CDH18: variants seen among roughly 807,000 people sequenced by gnomAD.
CDH18 encodes cadherin 18.
CDH18 carries 31 observed loss-of-function variants against 67.9 expected under a neutral mutation model. The observed-to-expected ratio is 0.46, with a 90% CI of 0.34 to 0.62. The LOEUF (loss-of-function observed/expected upper bound fraction) is 0.62. Ranked by LOEUF, CDH18 falls within the 20% of genes least tolerant of loss-of-function variation. CDH18 has a pLI of 0.01. For synonymous variants in CDH18, 362 were observed against 347.2 expected, an observed-to-expected ratio of 1.04 and a Z score of -0.48; for missense variants, 890 against 975.5, an observed-to-expected ratio of 0.91 and a Z score of 1.17.
intron 11 of CDH18, among the ~76,000 whole-genome samples, chr5:19,488,942 C>A (rs976223230): frequency 2.0e-5 from 3 of 152,122 alleles, no homozygotes; most frequent in African/African-American, 7.2e-5. Flanking sequence ...ATCCTTGTGG[C>A]CTTACTTGTC....
chr5:20,032,106 A>G (rs1317992874), intron 2 of CDH18, among the ~76,000 whole-genome samples: 4 of 152,002 alleles, frequency 2.6e-5, no homozygotes, highest in African/African-American at 9.7e-5. Context: ...TTTCTTCTTT[A>G]TCCTCAAAAA....
chr5:20,081,737 A>G (rs1483872397), intron 2 of CDH18, among the ~76,000 whole-genome samples: 1 of 152,154 alleles, frequency 6.6e-6, no homozygotes, highest in African/African-American at 2.4e-5. Context: ...AGTGGGAGCT[A>G]AACATTGAGT....
At chr5:20,279,876 A>G (rs1321270677) in intron 1 of CDH18, among the ~76,000 whole-genome samples, 1 of 152,038 alleles carries the variant, frequency 6.6e-6, no homozygotes, top group Admixed American at 6.6e-5. Flanking sequence ...TGGACCTAAT[A>G]TATCTTTTTA....
At chr5:20,531,841 C>A (rs1280581099) in intron 1 of CDH18, among the ~76,000 whole-genome samples, 1 of 151,660 alleles carries the variant, frequency 6.6e-6, no homozygotes, top group Non-Finnish European at 1.5e-5. Flanking sequence ...ACCATGTTAC[C>A]TATGTAGCAA....
At chr5:20,249,545 C>T (rs555268157) in intron 2 of CDH18, among the ~76,000 whole-genome samples, 1 of 151,896 alleles carries the variant, frequency 6.6e-6, no homozygotes, top group African/African-American at 2.4e-5. Context: ...ACTGCGCCCA[C>T]CTAATTTTTT....
intron 6 of CDH18, among the ~76,000 whole-genome samples, chr5:19,603,544 AT>A (rs1747522243): frequency 6.6e-6 from 1 of 152,020 alleles, no homozygotes; most frequent in Admixed American, 6.6e-5. Flanking sequence ...ACTACAAAAA[AT>A]AAAATCAAAA....
intron 2 of CDH18, among the ~76,000 whole-genome samples, chr5:19,955,125 T>G (rs910498911): frequency 6.6e-6 from 1 of 152,238 alleles, no homozygotes; most frequent in African/African-American, 2.4e-5. Context: ...TTCTCCTTCC[T>G]GCTGCCATAT....
intron 1 of CDH18, among the ~76,000 whole-genome samples, chr5:20,294,919 G>A (rs1363866201): frequency 6.6e-6 from 1 of 152,052 alleles, no homozygotes. Context: ...GTCACTTAAA[G>A]GCTTTGATTT....
intron 1 of CDH18, among the ~76,000 whole-genome samples, chr5:20,339,780 A>G (rs1471691970): frequency 1.3e-5 from 2 of 152,190 alleles, no homozygotes; most frequent in South Asian, 4.1e-4. Flanking sequence ...TAATGCTGAT[A>G]TGTATATAGA....
chr5:20,487,937 T>G (rs1753306575), intron 1 of CDH18, among the ~76,000 whole-genome samples: 1 of 152,126 alleles, frequency 6.6e-6, no homozygotes, highest in African/African-American at 2.4e-5. Context: ...AACCTGAACA[T>G]GAGACACTGT....
At chr5:19,547,491 G>C (rs138872776) in intron 8 of CDH18, among the ~76,000 whole-genome samples, 4 of 152,170 alleles carry the variant, frequency 2.6e-5, no homozygotes, top group African/African-American at 9.7e-5. Flanking sequence ...ACAACTGTCA[G>C]TCTGGAAGAA....
intron 1 of CDH18, among the ~76,000 whole-genome samples, chr5:20,428,817 A>ATT (rs35226117): frequency 6.6e-6 from 1 of 152,030 alleles, no homozygotes; most frequent in Non-Finnish European, 1.5e-5. Context: ...TTTTAGTGGC[A>ATT]TTTTTTTCTC....
At chr5:19,949,544 GTATTATCAA>G (rs1413601721) in intron 2 of CDH18, among the ~76,000 whole-genome samples, 1 of 152,044 alleles carries the variant, frequency 6.6e-6, no homozygotes, top group African/African-American at 2.4e-5. Context: ...AGACAACTTA[GTATTATCAA>G]CTTTTGAGAA....
chr5:20,203,098 C>T (rs1381327294), intron 2 of CDH18, among the ~76,000 whole-genome samples: 1 of 152,032 alleles, frequency 6.6e-6, no homozygotes, highest in African/African-American at 2.4e-5. Flanking sequence ...CCCCAATCCG[C>T]CTGGCACCAA....
chr5:19,624,738 G>A (rs1231806916), intron 5 of CDH18, among the ~76,000 whole-genome samples: 1 of 152,182 alleles, frequency 6.6e-6, no homozygotes, highest in East Asian at 1.9e-4. Context: ...CCTAAAGGAA[G>A]CTCAGGACCA....
At chr5:20,287,129 G>T (rs1561941053) in intron 1 of CDH18, among the ~76,000 whole-genome samples, 1 of 151,678 alleles carries the variant, frequency 6.6e-6, no homozygotes, top group African/African-American at 2.4e-5. Flanking sequence ...TGCCTAAGTG[G>T]ATTGATATCT....
chr5:19,512,239 T>G (rs1342579209), intron 10 of CDH18, among the ~76,000 whole-genome samples: 1 of 152,218 alleles, frequency 6.6e-6, no homozygotes, highest in African/African-American at 2.4e-5. Flanking sequence ...CCTTAAAGCT[T>G]TGAAATGATC....
intron 2 of CDH18, among the ~76,000 whole-genome samples, chr5:19,966,210 T>C (rs1797425445): frequency 6.6e-6 from 1 of 152,188 alleles, no homozygotes; most frequent in Non-Finnish European, 1.5e-5. Context: ...TACTATATGC[T>C]TATTTCTGGA....
intron 2 of CDH18, among the ~76,000 whole-genome samples, chr5:19,957,841 C>CAT (rs35957962): frequency 0.52 from 78,489 of 151,408 alleles, 20,574 homozygotes; most frequent in Middle Eastern, 0.67. Context: ...GAGAAAATAA[C>CAT]ATATATGTTT....
Sources: allele counts gnomAD v4.1 joint callset (sites outside exome capture counted in the v4.1 genomes callset), GRCh38; gene constraint gnomAD v4.1.1; transcripts MANE v1.5; gene names NCBI Gene and HGNC (gene_info 2026-07-23, HGNC 2026-07-21).